Variants in CCDC178 observed in about 807,000 individuals in gnomAD.
CCDC178 encodes coiled-coil domain containing 178.
A neutral mutation model predicts 117.4 loss-of-function variants in CCDC178; 126 were observed. That is an observed-to-expected ratio of 1.07 (90% CI 0.93 to 1.24). The LOEUF (loss-of-function observed/expected upper bound fraction) is 1.24, where lower values mean the gene tolerates loss of function less well. Among genes scored for constraint, CCDC178 ranks in the 50% most tolerant of loss-of-function variants. The pLI, the probability that CCDC178 is intolerant of heterozygous loss-of-function variation, is 0.00. For synonymous variants in CCDC178, 283 were observed against 313.4 expected (o/e 0.90, Z 1.02); for missense variants, 1,030 against 986.9 (o/e 1.04, Z -0.59).
At chr18:33,385,922 A>AT (rs975484235) in intron 5 of CCDC178, among the ~76,000 whole-genome samples, 2 of 152,066 alleles carry the variant, frequency 1.3e-5, no homozygotes, top group Non-Finnish European at 2.9e-5. Flanking sequence ...TCCAGGAGCT[A>AT]TTTTTTTAAA....
intron 12 of CCDC178, among the ~76,000 whole-genome samples, chr18:33,272,352 G>T (rs1364447977): frequency 6.6e-6 from 1 of 151,370 alleles, no homozygotes; most frequent in African/African-American, 2.4e-5. Context: ...ACTTACTCAA[G>T]AAGAAACAGA....
intron 20 of CCDC178, among the ~76,000 whole-genome samples, chr18:33,097,546 T>C (rs550615989): frequency 2.2e-4 from 33 of 152,256 alleles, no homozygotes; most frequent in African/African-American, 7.7e-4. Context: ...TGTGCAAGTT[T>C]GCACAGCTAT....
intron 21 of CCDC178, among the ~76,000 whole-genome samples, chr18:33,056,019 T>C (rs1302711992): frequency 1.3e-5 from 2 of 152,114 alleles, no homozygotes; most frequent in Non-Finnish European, 2.9e-5. Flanking sequence ...ACCAGGCTGG[T>C]CTCAAACTCC....
At chr18:32,947,021 C>G (rs1480848448) in intron 22 of CCDC178, among the ~76,000 whole-genome samples, 2 of 151,918 alleles carry the variant, frequency 1.3e-5, no homozygotes, top group Non-Finnish European at 2.9e-5. Context: ...ACCTCGTGAT[C>G]CGCCCGCCTC....
rs568829837 is a variant in CCDC178, at chr18:32,942,458, G to A, written c.2524-4367C>T. ...AGAAGCACATACAAGGCCAAAAGTGGAAAAGTAGCACACATTTTTCATGGA... is the reference window on the plus strand; with the variant it reads ...AGAAGCACATACAAGGCCAAAAGTGAAAAAGTAGCACACATTTTTCATGGA... On this transcript the variant is annotated intron_variant, in intron 22 of 22. Coordinates refer to ENST00000383096, the MANE Select transcript of CCDC178 (RefSeq NM_001105528.4). Among the ~76,000 whole-genome samples the A allele has an allele frequency of 2.0e-5, 3 of 152,038 alleles. No individual in the cohort carries two copies. The South Asian group carries it at 6.2e-4, about 32-fold the overall frequency.
intron 17 of CCDC178, 137 bp downstream of exon 17, chr18:33,224,638 T>C: frequency 2.1e-6 from 1 of 484,902 alleles, no homozygotes; most frequent in South Asian, 4.4e-5. Context: ...CAGATCAAGT[T>C]GCGTGGTCCT....
chr18:33,411,173 T>G (rs1012215958), intron 3 of CCDC178, among the ~76,000 whole-genome samples: 1 of 152,282 alleles, frequency 6.6e-6, no homozygotes, highest in East Asian at 1.9e-4. Context: ...ATTTTTATGG[T>G]TGGTTGTTAC....
chr18:33,287,384 T>C (rs530467397), intron 12 of CCDC178, among the ~76,000 whole-genome samples: 1 of 152,334 alleles, frequency 6.6e-6, no homozygotes, highest in East Asian at 1.9e-4. Context: ...CTAAACTTCA[T>C]TTTTCTCATC....
At chr18:32,961,484 T>A (rs145687494) in intron 22 of CCDC178, among the ~76,000 whole-genome samples, 61 of 152,290 alleles carry the variant, frequency 4.0e-4, no homozygotes, top group Non-Finnish European at 6.2e-4. Context: ...TTTTCTTTTG[T>A]AAAGTGTGTC....
intron 21 of CCDC178, among the ~76,000 whole-genome samples, chr18:32,991,427 A>G (rs1278302960): frequency 6.6e-6 from 1 of 152,218 alleles, no homozygotes; most frequent in East Asian, 1.9e-4. Context: ...CAAGTATTCA[A>G]TTATGAACTG....
chr18:33,416,225 A>T (rs1217925966), intron 2 of CCDC178, among the ~76,000 whole-genome samples: 1 of 152,188 alleles, frequency 6.6e-6, no homozygotes, highest in Non-Finnish European at 1.5e-5. Flanking sequence ...CAGGAGTTCG[A>T]AACCATCCTG....
At chr18:33,159,433 A>G (rs1048245842) in intron 20 of CCDC178, among the ~76,000 whole-genome samples, 1 of 152,120 alleles carries the variant, frequency 6.6e-6, no homozygotes, top group Non-Finnish European at 1.5e-5. Context: ...GAAGTCAGAA[A>G]GAAATCTTAT....
At chr18:32,986,895 G>A (rs1436274379) in intron 21 of CCDC178, among the ~76,000 whole-genome samples, 2 of 151,926 alleles carry the variant, frequency 1.3e-5, no homozygotes, top group Non-Finnish European at 2.9e-5. Context: ...GTTAAAATAT[G>A]TGCTGTAATA....
intron 11 of CCDC178, among the ~76,000 whole-genome samples, chr18:33,299,936 T>C (rs1352757610): frequency 6.6e-6 from 1 of 152,086 alleles, no homozygotes; most frequent in East Asian, 1.9e-4. Context: ...AGACAAAAAA[T>C]AACAAATGCT....
rs151210966 is a variant in CCDC178 at position 33,009,737 on chromosome 18, G to A, written c.2389-35056C>T. On this transcript the variant is annotated intron_variant, in intron 21 of 22. Transcript: ENST00000383096. ...AAGAATGTCTGTTTTATTTACTATC[G>A]TAATGCAAACATCTAAAGGAGTGCT... Among the ~76,000 whole-genome samples, 152 of 152,054 alleles carry A rather than the reference G, an allele frequency of 1.0e-3. 1 individual carries two copies. Among genetic ancestry groups the A allele is most frequent in the African/African-American group, 3.5e-3 (145 of 41,498 alleles).
intron 18 of CCDC178, among the ~76,000 whole-genome samples, chr18:33,221,225 C>T (rs184933224): frequency 1.3e-5 from 2 of 152,150 alleles, no homozygotes; most frequent in South Asian, 2.1e-4. Context: ...ATGCAGAAGA[C>T]AACAGCATTA....
At chr18:33,077,862 C>G (rs1411727797) in intron 21 of CCDC178, among the ~76,000 whole-genome samples, 1 of 152,146 alleles carries the variant, frequency 6.6e-6, no homozygotes. Flanking sequence ...CAAGGAAGAG[C>G]TGGTATCATA....
At chr18:33,425,009 T>C (rs1431402305) in intron 2 of CCDC178, among the ~76,000 whole-genome samples, 1 of 152,168 alleles carries the variant, frequency 6.6e-6, no homozygotes, top group Non-Finnish European at 1.5e-5. Context: ...GCTTAAAACC[T>C]AGATGACTGA....
chr18:33,417,613 T>A (rs1166331608), intron 2 of CCDC178, among the ~76,000 whole-genome samples: 2 of 152,156 alleles, frequency 1.3e-5, no homozygotes, highest in African/African-American at 2.4e-5. Context: ...CCATTGCCTG[T>A]ATCAATATAA....
Sources: allele counts gnomAD v4.1 joint callset (sites outside exome capture counted in the v4.1 genomes callset), GRCh38; gene constraint gnomAD v4.1.1; transcripts MANE v1.5; gene names NCBI Gene and HGNC (gene_info 2026-07-23, HGNC 2026-07-21).